Variants in ZBTB40 observed in about 807,000 individuals in gnomAD.
ZBTB40 encodes the protein zinc finger and BTB domain-containing protein 40.
ZBTB40 carries 60 observed loss-of-function variants against 117.5 expected under a neutral mutation model. The observed-to-expected ratio is 0.51, with a 90% confidence interval of 0.41 to 0.63. ZBTB40 has a LOEUF of 0.63. Ranked by LOEUF, ZBTB40 falls within the 30% of genes least tolerant of loss-of-function variation. The pLI, the probability that ZBTB40 is intolerant of heterozygous loss-of-function variation, is 0.00. For missense variants in ZBTB40, 1,287 were observed against 1,498.5 expected, an observed-to-expected ratio of 0.86 and a Z score of 2.33; for synonymous variants, 525 against 577.1, an observed-to-expected ratio of 0.91 and a Z score of 1.29.
chr1:22,495,788 T>G lies in ZBTB40; in HGVS notation c.831+4255T>G, dbSNP rs144295020. On this transcript the variant is annotated intron_variant, in intron 3 of 17. Coordinates refer to ENST00000375647, the MANE Select transcript of ZBTB40 (RefSeq NM_014870.4). Reference sequence around the variant, plus strand: ...GCCTTGGCCTCCCAAAGTGCTGGGATTACAGGCATGAGCCACCGCACCCAG... The same window carrying G: ...GCCTTGGCCTCCCAAAGTGCTGGGAGTACAGGCATGAGCCACCGCACCCAG... Among the ~76,000 whole-genome samples the G allele has an allele frequency of 4.7e-3, 718 of 152,342 alleles. 3 individuals carry two copies. The highest frequency in any genetic ancestry group is 0.034 in the Middle Eastern group (10 of 294).
At chr1:22,521,793 CCTGTCCGTAGCAGCAG>C in intron 15 of ZBTB40, 135 bp downstream of exon 15, 1 of 1,309,298 alleles carries the variant, frequency 7.6e-7, no homozygotes, top group South Asian at 1.2e-5. Flanking sequence ...CCCCAGCGCA[CCTGTCCGTAGCAGCAG>C]CAGTCAGTAG....
chr1:22,513,152 T>C lies in ZBTB40; in HGVS notation c.2668+22T>C, dbSNP rs1400925766. On this transcript the variant is annotated intron_variant, in intron 12 of 17. Transcript: ENST00000375647. The surrounding 1 kb of genome is among the most constrained non-coding windows in gnomAD (Gnocchi z 4.9). ...GAAGGTAAGGCGGGGCACAGTTCAT[T>C]TCTCCTGCAGACTTTCACTGCGAAC... 6.2e-6 allele frequency: 10 copies of C among 1,610,374 alleles called. No individual in the cohort carries two copies. The highest frequency in any genetic ancestry group is 8.5e-6 in the Non-Finnish European group (10 of 1,178,234).
At chr1:22,520,349 G>T in intron 14 of ZBTB40, 74 bp downstream of exon 14, 1 of 1,282,092 alleles carries the variant, frequency 7.8e-7, no homozygotes. Flanking sequence ...CCTGATGCCC[G>T]GGTTGGTGGC....
At chr1:22,429,767 T>C (rs6683028) in intron 1 of ZBTB40, among the ~76,000 whole-genome samples, 143,606 of 152,230 alleles carry the variant, frequency 0.94, 68,317 homozygotes, top group East Asian at 1. Flanking sequence ...CCGAGGCGGG[T>C]GGATCACCTA....
At chr1:22,501,298 C>T (rs569409091) in intron 3 of ZBTB40, among the ~76,000 whole-genome samples, 194 bp from the exon 4 acceptor site, 1 of 152,278 alleles carries the variant, frequency 6.6e-6, no homozygotes, top group Non-Finnish European at 1.5e-5. Flanking sequence ...TTGGAGTCCT[C>T]CAGAAGACAG....
At chr1:22,446,183 C>T (rs186318884) in intron 1 of ZBTB40, among the ~76,000 whole-genome samples, 1 of 149,590 alleles carries the variant, frequency 6.7e-6, no homozygotes, top group South Asian at 2.1e-4. Context: ...AGGAAAGAAT[C>T]TCTGAGCTTA....
chr1:22,442,425 C>G (rs1270663986), intron 1 of ZBTB40, among the ~76,000 whole-genome samples: 1 of 151,988 alleles, frequency 6.6e-6, no homozygotes, highest in Non-Finnish European at 1.5e-5. Context: ...GGAGAGAGAC[C>G]CTGGGGTTGT....
intron 1 of ZBTB40, among the ~76,000 whole-genome samples, chr1:22,467,531 G>A (rs576744160): frequency 6.6e-6 from 1 of 152,270 alleles, no homozygotes; most frequent in South Asian, 2.1e-4. Context: ...CTGTAGTGCA[G>A]TGGCGCAATC....
chr1:22,490,919 G>C (rs1476037909), intron 2 of ZBTB40, among the ~76,000 whole-genome samples: 2 of 152,164 alleles, frequency 1.3e-5, no homozygotes, highest in Non-Finnish European at 2.9e-5. Flanking sequence ...CTCTCGAGAC[G>C]GAGTCTTGTT....
chr1:22,436,707 C>G (rs770642970), intron 1 of ZBTB40, among the ~76,000 whole-genome samples: 1 of 151,908 alleles, frequency 6.6e-6, no homozygotes, highest in Admixed American at 6.6e-5. Flanking sequence ...ACCTCAACTA[C>G]GTTATGCTGA....
At chr1:22,459,584 C>T (rs188553681) in intron 1 of ZBTB40, among the ~76,000 whole-genome samples, 2 of 152,306 alleles carry the variant, frequency 1.3e-5, no homozygotes. Context: ...TATGCTGTTA[C>T]AAAATCATCT....
intron 1 of ZBTB40, among the ~76,000 whole-genome samples, chr1:22,442,408 A>G (rs1640743498): frequency 6.6e-6 from 1 of 151,946 alleles, no homozygotes; most frequent in Non-Finnish European, 1.5e-5. Flanking sequence ...TGATGGGTTT[A>G]TATGGGGGAG....
At chr1:22,432,847 C>G (rs893541033) in intron 1 of ZBTB40, among the ~76,000 whole-genome samples, 2 of 152,182 alleles carry the variant, frequency 1.3e-5, no homozygotes, top group African/African-American at 4.8e-5. Flanking sequence ...AGGACAAATC[C>G]AGAGCCAATT....
intron 1 of ZBTB40, among the ~76,000 whole-genome samples, chr1:22,431,958 T>G (rs977710971): frequency 2.3e-5 from 3 of 131,262 alleles, no homozygotes; most frequent in Non-Finnish European, 4.7e-5. Context: ...CCTGTGCCAG[T>G]TTTCAATTTC....
chr1:22,455,183 A>C (rs1353071738), intron 1 of ZBTB40, among the ~76,000 whole-genome samples: 1 of 152,216 alleles, frequency 6.6e-6, no homozygotes, highest in Non-Finnish European at 1.5e-5. Flanking sequence ...TATTCTCTTA[A>C]GGCATTCTAA....
chr1:22,438,431 A>G (rs1420882091), intron 1 of ZBTB40, among the ~76,000 whole-genome samples: 1 of 152,222 alleles, frequency 6.6e-6, no homozygotes, highest in Non-Finnish European at 1.5e-5. Flanking sequence ...GTCAATGGAC[A>G]CTTAGAGTTG....
At position 22,522,466 on chromosome 1, in the gene ZBTB40, C is replaced by T; in HGVS notation, c.3298+3C>T. ...TCATGTCAAGTGCCAGCATTCAGGTCAGTACCCCTGTCAGCATACTTCTAG... is the reference window on the plus strand; with the variant it reads ...TCATGTCAAGTGCCAGCATTCAGGTTAGTACCCCTGTCAGCATACTTCTAG... On this transcript the variant is annotated splice_donor_region_variant and intron_variant, in intron 16 of 17. Coordinates refer to ENST00000375647, the MANE Select transcript of ZBTB40 (RefSeq NM_014870.4). 6.2e-7 allele frequency: 1 copy of T among 1,614,164 alleles called. No homozygotes were observed. Among genetic ancestry groups the T allele is most frequent in the African/African-American group, 1.3e-5 (1 of 75,068 alleles).
At chr1:22,438,731 C>G (rs4354513) in intron 1 of ZBTB40, among the ~76,000 whole-genome samples, 140,953 of 152,216 alleles carry the variant, frequency 0.93, 66,257 homozygotes, top group East Asian at 1. Context: ...AGTGTTGACA[C>G]GGTATCTCAT....
chr1:22,519,429 A>G (rs1432172280), intron 13 of ZBTB40, among the ~76,000 whole-genome samples: 1 of 152,240 alleles, frequency 6.6e-6, no homozygotes, highest in African/African-American at 2.4e-5. Flanking sequence ...GCCCATGGGC[A>G]AGATACTGCC....
Sources: gnomAD v4.1 joint callset for allele counts (sites outside exome capture counted in the v4.1 genomes callset) on GRCh38, gnomAD v4.1.1 for gene constraint, Gnocchi (gnomAD v3.1) non-coding constraint, MANE v1.5 for transcripts, NCBI Gene and HGNC (gene_info 2026-07-23, HGNC 2026-07-21) for gene names.